Variants in KAT6B observed in about 807,000 individuals in gnomAD.
KAT6B encodes the protein lysine acetyltransferase 6B, also known as histone acetyltransferase KAT6B.
KAT6B carries 10 observed loss-of-function variants against 187.5 expected under a neutral mutation model. The observed-to-expected ratio is 0.05, with a 90% CI of 0.03 to 0.09. The LOEUF (loss-of-function observed/expected upper bound fraction) is 0.09, where lower values mean the gene tolerates loss of function less well. Ranked by LOEUF, KAT6B falls within the 10% of genes least tolerant of loss-of-function variation. The pLI, the probability that KAT6B is intolerant of heterozygous loss-of-function variation, is 1.00. For missense variants in KAT6B, 1,952 were observed against 2,558.9 expected, an observed-to-expected ratio of 0.76 and a Z score of 5.12; for synonymous variants, 861 against 926.8, an observed-to-expected ratio of 0.93 and a Z score of 1.29.
rs528309876 is a variant in KAT6B at position 74,975,209 on chromosome 10, G to GAA, written c.1062-189_1062-188dup. Among the ~76,000 whole-genome samples, 592 of 152,278 alleles carry GAA rather than the reference G, an allele frequency of 3.9e-3. 2 individuals are homozygous for GAA. The highest frequency in any genetic ancestry group is 0.013 in the African/African-American group (552 of 41,560). On this transcript the variant is annotated intron_variant, in intron 7 of 17. Coordinates refer to ENST00000287239, the MANE Select transcript of KAT6B (RefSeq NM_012330.4). ...AGTACCTGGTGGATGGGCCCTGGAA[G>GAA]AACCATGACATGTAAATGCAGTTGC...
intron 13 of KAT6B, among the ~76,000 whole-genome samples, chr10:75,014,504 A>G (rs1341853225): frequency 2.6e-5 from 4 of 152,170 alleles, no homozygotes; most frequent in African/African-American, 9.7e-5. Context: ...GTTTATCGTT[A>G]TCTTTTAGAT....
chr10:74,985,816 G>T (rs1842773030), intron 12 of KAT6B, among the ~76,000 whole-genome samples: 1 of 152,168 alleles, frequency 6.6e-6, no homozygotes, highest in African/African-American at 2.4e-5. Flanking sequence ...GGAGGCCGGG[G>T]TGGGCGGATC....
chr10:74,894,374 G>A (rs1845846250), intron 3 of KAT6B, among the ~76,000 whole-genome samples: 1 of 152,140 alleles, frequency 6.6e-6, no homozygotes, highest in African/African-American at 2.4e-5. Flanking sequence ...GAGCCACCGT[G>A]CTCGGCCATG....
rs1391956687 is a variant in KAT6B, at chr10:74,861,292, ACT to A, written c.621+17817_621+17818del. Among the ~76,000 whole-genome samples the A allele has an allele frequency of 1.1e-4, 17 of 152,318 alleles. No homozygotes were observed. The South Asian group carries it at 3.5e-3, about 32-fold the overall frequency. ...ATTCCAGCTTGGGTGACAGAGCGAG[ACT>A]CTGTCTCAAAGGTAAAAAAAAAGAA... is the stretch of plus-strand genomic sequence containing the variant. On this transcript the variant is annotated intron_variant, in intron 3 of 17. Transcript: ENST00000287239.
intron 3 of KAT6B, among the ~76,000 whole-genome samples, chr10:74,879,683 C>T (rs1589534894): frequency 6.6e-6 from 1 of 152,182 alleles, no homozygotes; most frequent in African/African-American, 2.4e-5. Flanking sequence ...TTCTTAGTCC[C>T]CCTGTTACTG....
chr10:74,995,527 T>C (rs1220214262), intron 13 of KAT6B, among the ~76,000 whole-genome samples: 2 of 152,216 alleles, frequency 1.3e-5, no homozygotes, highest in South Asian at 2.1e-4. Flanking sequence ...CCTTCCTGTT[T>C]CTTTGTGTAC....
At chr10:74,886,439 G>T (rs1845273033) in intron 3 of KAT6B, among the ~76,000 whole-genome samples, 1 of 152,152 alleles carries the variant, frequency 6.6e-6, no homozygotes, top group South Asian at 2.1e-4. Flanking sequence ...TGCCGAGTTT[G>T]ACTCACCAAC....
chr10:74,871,718 A>AG (rs2132412490), intron 3 of KAT6B, among the ~76,000 whole-genome samples: 1 of 152,304 alleles, frequency 6.6e-6, no homozygotes, highest in African/African-American at 2.4e-5. Context: ...GAGCATTGTG[A>AG]GGTATACCAA....
intron 3 of KAT6B, among the ~76,000 whole-genome samples, chr10:74,888,860 G>A (rs1480713372): frequency 6.6e-6 from 1 of 152,166 alleles, no homozygotes; most frequent in African/African-American, 2.4e-5. Flanking sequence ...TTATGCAGCT[G>A]ATGTGGGAGG....
At chr10:75,017,244 C>T (rs961496408) in intron 13 of KAT6B, among the ~76,000 whole-genome samples, 1 of 55,146 alleles carries the variant, frequency 1.8e-5, no homozygotes, top group African/African-American at 7.9e-5. Context: ...TAACTTAAAC[C>T]ACCACATCTC....
chr10:74,908,506 C>T (rs958747191), intron 3 of KAT6B, among the ~76,000 whole-genome samples: 4 of 142,834 alleles, frequency 2.8e-5, no homozygotes, highest in South Asian at 2.2e-4. Context: ...TGCAGTGAGC[C>T]GAAATTGCAC....
At chr10:74,966,326 C>T (rs958935583) in intron 4 of KAT6B, among the ~76,000 whole-genome samples, 2 of 152,200 alleles carry the variant, frequency 1.3e-5, no homozygotes, top group African/African-American at 4.8e-5. Flanking sequence ...ATAAACTCCC[C>T]ATCTCTAGGT....
At chr10:74,843,505 T>TTC in intron 3 of KAT6B, 27 bp downstream of exon 3, 1 of 1,611,896 alleles carries the variant, frequency 6.2e-7, no homozygotes, top group Non-Finnish European at 8.5e-7. Flanking sequence ...TGTTCGTGCA[T>TTC]TCTCACTACT....
chr10:74,942,462 A>G lies in KAT6B; in HGVS notation c.622-17508A>G, dbSNP rs80168665. On this transcript the variant is annotated intron_variant, in intron 3 of 17. Coordinates refer to ENST00000287239, the MANE Select transcript of KAT6B (RefSeq NM_012330.4). ...GAAACTTTTGTCAACCTGATAAAAG[A>G]CATTTATAAAAAGCCATATCTGGCT... Among the ~76,000 whole-genome samples the G allele has an allele frequency of 9.8e-3, 1,494 of 152,164 alleles. 18 individuals carry two copies. The highest frequency in any genetic ancestry group is 0.015 in the Non-Finnish European group (1,039 of 67,994).
intron 3 of KAT6B, among the ~76,000 whole-genome samples, chr10:74,945,519 A>C (rs932352461): frequency 6.6e-6 from 1 of 152,158 alleles, no homozygotes; most frequent in Non-Finnish European, 1.5e-5. Context: ...GCTGGAGTGC[A>C]GTGGTGCATC....
intron 3 of KAT6B, among the ~76,000 whole-genome samples, chr10:74,917,827 T>G (rs980452557): frequency 1.3e-5 from 2 of 152,190 alleles, no homozygotes; most frequent in African/African-American, 2.4e-5. Context: ...CAGGGGCATT[T>G]GGCATGAAAG....
At chr10:74,938,824 C>T (rs1301785455) in intron 3 of KAT6B, among the ~76,000 whole-genome samples, 1 of 152,070 alleles carries the variant, frequency 6.6e-6, no homozygotes, top group Non-Finnish European at 1.5e-5. Context: ...GCAACCTCTG[C>T]CTCCTGGGTT....
chr10:74,967,558 C>G (rs1207146124), intron 4 of KAT6B, among the ~76,000 whole-genome samples: 9 of 152,082 alleles, frequency 5.9e-5, no homozygotes, highest in African/African-American at 2.2e-4. Flanking sequence ...TTTACAGAAT[C>G]ATAGAAATTT....
At position 74,970,284 on chromosome 10, in the gene KAT6B, C is replaced by CAT. The variant is rs982971168; in HGVS notation, c.928+192_928+193dup. On this transcript the variant is annotated intron_variant, in intron 6 of 17. Transcript: ENST00000287239. ...GAGTATAAAAGCATAGAAAAAAATA[C>CAT]ATATATATATGTGTATATATATACA... Among the ~76,000 whole-genome samples, 10 of 151,198 alleles carry CAT rather than the reference C, an allele frequency of 6.6e-5. No homozygotes were observed. The East Asian group carries it at 1.2e-3, about 18-fold the overall frequency.
Sources: gnomAD v4.1 joint callset for allele counts (sites outside exome capture counted in the v4.1 genomes callset) on GRCh38, gnomAD v4.1.1 for gene constraint, MANE v1.5 for transcripts, NCBI Gene and HGNC (gene_info 2026-07-23, HGNC 2026-07-21) for gene names.